Variants in SMYD3 observed in about 807,000 individuals in gnomAD.
SMYD3 encodes the protein histone-lysine N-methyltransferase SMYD3.
SMYD3 carries 36 observed loss-of-function variants against 57.7 expected under a neutral mutation model. The ratio of observed to expected loss-of-function variants is 0.62; its 90% CI spans 0.48 to 0.82. SMYD3 has a LOEUF of 0.82. Ranked by LOEUF, SMYD3 falls within the 40% of genes least tolerant of loss-of-function variation. The pLI, the probability that SMYD3 is intolerant of heterozygous loss-of-function variation, is 0.00. For synonymous variants in SMYD3, 211 were observed against 195.0 expected (o/e 1.08, Z -0.68); for missense variants, 515 against 538.8 (o/e 0.96, Z 0.44).
At chr1:246,320,062 T>C (rs2065221186) in intron 5 of SMYD3, among the ~76,000 whole-genome samples, 1 of 152,268 alleles carries the variant, frequency 6.6e-6, no homozygotes, top group African/African-American at 2.4e-5. Flanking sequence ...ATTTCTAACA[T>C]ACCACAAAAT....
At chr1:246,244,221 A>G (rs1390307516) in intron 5 of SMYD3, among the ~76,000 whole-genome samples, 1 of 152,088 alleles carries the variant, frequency 6.6e-6, no homozygotes, top group Non-Finnish European at 1.5e-5. Flanking sequence ...TCCCACACCT[A>G]AAAGAGGCCA....
intron 1 of SMYD3, among the ~76,000 whole-genome samples, chr1:246,368,464 ACTTC>A (rs1426812309): frequency 6.6e-6 from 1 of 152,146 alleles, no homozygotes; most frequent in Non-Finnish European, 1.5e-5. Flanking sequence ...TCCACTTTAA[ACTTC>A]CTATAGAGAA....
intron 10 of SMYD3, among the ~76,000 whole-genome samples, chr1:245,767,292 G>C (rs1203439978): frequency 6.6e-6 from 1 of 152,184 alleles, no homozygotes; most frequent in African/African-American, 2.4e-5. Context: ...GCAGGAGTCT[G>C]AGTGAGAAGG....
chr1:246,269,290 C>T (rs10399852), intron 5 of SMYD3, among the ~76,000 whole-genome samples: 50,720 of 151,948 alleles, frequency 0.33, 9,359 homozygotes, highest in East Asian at 0.73. Flanking sequence ...TCAATAAATA[C>T]TGAATTGAAC....
chr1:246,332,235 T>C (rs751023287), intron 3 of SMYD3, among the ~76,000 whole-genome samples: 34 of 152,124 alleles, frequency 2.2e-4, no homozygotes, highest in Non-Finnish European at 4.0e-4. Flanking sequence ...AAGGGAGAGT[T>C]CTGAAAGAAA....
At chr1:246,345,361 C>T (rs368659056) in intron 2 of SMYD3, among the ~76,000 whole-genome samples, 151 of 152,148 alleles carry the variant, frequency 9.9e-4, no homozygotes, top group Non-Finnish European at 1.9e-3. Flanking sequence ...AATCAACTGG[C>T]CATATATGTG....
chr1:246,065,245 A>C (rs777097758), intron 5 of SMYD3, among the ~76,000 whole-genome samples: 8 of 152,196 alleles, frequency 5.3e-5, no homozygotes, highest in Non-Finnish European at 7.3e-5. Context: ...CAATGAAGTT[A>C]CTCTAAATAA....
chr1:246,353,819 C>A (rs2065870184), intron 2 of SMYD3, among the ~76,000 whole-genome samples: 3 of 152,306 alleles, frequency 2.0e-5, no homozygotes, highest in African/African-American at 7.2e-5. Context: ...GCCTGGCACA[C>A]AGTGGATGCC....
chr1:246,409,406 T>C (rs978968028), intron 1 of SMYD3, among the ~76,000 whole-genome samples: 55 of 150,040 alleles, frequency 3.7e-4, no homozygotes, highest in African/African-American at 1.2e-3. Context: ...CTAGCCAGTT[T>C]TCCCAGCACC....
chr1:246,042,122 G>T (rs1430005243), intron 5 of SMYD3, among the ~76,000 whole-genome samples: 1 of 152,166 alleles, frequency 6.6e-6, no homozygotes. Context: ...ACTGCAGAAA[G>T]CTTCAAGTTT....
At chr1:245,873,562 C>G (rs1384917636) in intron 8 of SMYD3, among the ~76,000 whole-genome samples, 3 of 152,156 alleles carry the variant, frequency 2.0e-5, no homozygotes, top group African/African-American at 7.2e-5. Flanking sequence ...AAAGCTGCAG[C>G]CCTCATCTCC....
At chr1:246,301,102 T>C (rs1220380837) in intron 5 of SMYD3, among the ~76,000 whole-genome samples, 1 of 152,066 alleles carries the variant, frequency 6.6e-6, no homozygotes, top group East Asian at 1.9e-4. Context: ...CAGTACCAAA[T>C]GTGCACATGG....
At chr1:246,439,477 T>C (rs1454695764) in intron 1 of SMYD3, among the ~76,000 whole-genome samples, 1 of 152,180 alleles carries the variant, frequency 6.6e-6, no homozygotes, top group Non-Finnish European at 1.5e-5. Flanking sequence ...ACATTTTATC[T>C]CCTGAGACAA....
intron 10 of SMYD3, among the ~76,000 whole-genome samples, chr1:245,832,593 G>A (rs1374137875): frequency 6.6e-6 from 1 of 151,818 alleles, no homozygotes; most frequent in African/African-American, 2.4e-5. Context: ...GAGCACTCAG[G>A]ATTTCTTCTT....
At chr1:246,371,906 C>T (rs539052323) in intron 1 of SMYD3, among the ~76,000 whole-genome samples, 3 of 152,112 alleles carry the variant, frequency 2.0e-5, no homozygotes, top group Admixed American at 6.5e-5. Context: ...AATATTTGCT[C>T]TTCTGTTTTA....
intron 5 of SMYD3, among the ~76,000 whole-genome samples, chr1:246,265,699 C>T (rs979770972): frequency 1.4e-5 from 2 of 147,576 alleles, no homozygotes; most frequent in African/African-American, 4.9e-5. Flanking sequence ...GATCCAGTGA[C>T]CATCACATGT....
intron 7 of SMYD3, among the ~76,000 whole-genome samples, chr1:245,920,836 C>T (rs1395453622): frequency 2.6e-5 from 4 of 152,128 alleles, no homozygotes; most frequent in Non-Finnish European, 5.9e-5. Context: ...ACTTTATGCA[C>T]CCTAGAAGAA....
At chr1:246,454,153 G>T (rs913785183) in intron 1 of SMYD3, among the ~76,000 whole-genome samples, 17 of 152,182 alleles carry the variant, frequency 1.1e-4, no homozygotes, top group African/African-American at 3.9e-4. Context: ...AAGATTCTCT[G>T]TAGGAAATAG....
At position 246,355,400 on chromosome 1, in the gene SMYD3, C is replaced by G. The variant is rs1572414085; in HGVS notation, c.165-306G>C. 1 of 295,418 alleles carries G rather than the reference C, an allele frequency of 3.4e-6. No homozygotes were observed. The highest frequency in any genetic ancestry group is 6.4e-6 in the Non-Finnish European group (1 of 157,042). The allele number at this position is 295,418 out of a possible 1,614,324, so 18.3% of individuals were successfully genotyped here. A position where few individuals can be genotyped will look rare whatever the true frequency, so the allele number is the denominator to read the frequency against. On this transcript the variant is annotated intron_variant, in intron 1 of 11. Coordinates refer to ENST00000490107, the MANE Select transcript of SMYD3 (RefSeq NM_001167740.2). The surrounding 1 kb of genome is among the most constrained non-coding windows in gnomAD (Gnocchi z 5.0). Reference sequence around the variant, plus strand: ...GGGACTCACACTGTGAACTTTTGATCCAACAACTGCCACAGCAACATACCA... The same window carrying G: ...GGGACTCACACTGTGAACTTTTGATGCAACAACTGCCACAGCAACATACCA...
Sources: gnomAD v4.1 joint callset for allele counts (sites outside exome capture counted in the v4.1 genomes callset) on GRCh38, gnomAD v4.1.1 for gene constraint, Gnocchi (gnomAD v3.1) non-coding constraint, MANE v1.5 for transcripts, NCBI Gene and HGNC (gene_info 2026-07-23, HGNC 2026-07-21) for gene names.